SLC26A3: variants seen among roughly 807,000 people sequenced by gnomAD.
SLC26A3 encodes solute carrier family 26 member 3.
Under a neutral mutation model 85.6 loss-of-function variants are expected in SLC26A3, and 64 were observed. That is an observed-to-expected ratio of 0.75 (90% confidence interval 0.61 to 0.92). The LOEUF (loss-of-function observed/expected upper bound fraction) is 0.92. SLC26A3 is among the 40% of genes least tolerant of loss of function. The pLI, the probability that SLC26A3 is intolerant of heterozygous loss-of-function variation, is 0.00. For missense variants in SLC26A3, 922 were observed against 927.3 expected (o/e 0.99, Z 0.07); for synonymous variants, 349 against 336.0 (o/e 1.04, Z -0.42).
Position 107,765,741 on chromosome 7 carries a change from C to T in SLC26A3, c.*114G>A. 1.2e-6 allele frequency: 1 copy of T among 807,842 alleles called. No individual in the cohort carries two copies. Among genetic ancestry groups the T allele is most frequent in the Non-Finnish European group, 2.1e-6 (1 of 470,598 alleles). 50.0% of individuals were successfully genotyped at this position (807,842 alleles called of 1,614,324 possible). A position where few individuals can be genotyped will look rare whatever the true frequency, so the allele number is the denominator to read the frequency against. Reference sequence around the variant, plus strand: ...AACCATCTTGTTCCAAAGTTTGAAACATATTCTGTCAAAAATACTCTTCGT... The same window carrying T: ...AACCATCTTGTTCCAAAGTTTGAAATATATTCTGTCAAAAATACTCTTCGT... On this transcript the variant is annotated 3_prime_UTR_variant, in exon 21 of 21. Transcript: ENST00000340010.
Position 107,791,187 on chromosome 7 carries a change from G to A in SLC26A3, c.431C>T (p.Ala144Val), listed in dbSNP as rs967589016. The change falls in exon 5 of 21, where the codon GCA (alanine) becomes GTA (valine). Residue 144 changes from alanine to valine, a missense_variant. Coordinates refer to ENST00000340010, the MANE Select transcript of SLC26A3 (RefSeq NM_000111.3). ...GCGATCTGGGACTGCTTTTGAAACT[G>A]CTCCTGAAACTGCTAGTCCCACCAT... The part of the protein sequence containing the change: ...SMMVGLAVSG[A>V]VSKAVPDRNA... 4.3e-6 allele frequency: 7 copies of A among 1,614,054 alleles called. No individual in the cohort carries two copies. The African/African-American group carries it at 9.3e-5, about 22-fold the overall frequency.
chr7:107,790,860 T>G (rs935897172), intron 5 of SLC26A3, among the ~76,000 whole-genome samples, 188 bp downstream of exon 5: 1 of 152,194 alleles, frequency 6.6e-6, no homozygotes, highest in Non-Finnish European at 1.5e-5. Context: ...GTTTTTGTAC[T>G]GTTGACCCAC....
intron 18 of SLC26A3, among the ~76,000 whole-genome samples, chr7:107,768,560 A>G (rs1247376746): frequency 6.6e-6 from 1 of 152,234 alleles, no homozygotes; most frequent in Non-Finnish European, 1.5e-5. Context: ...TAGAACATTT[A>G]TATATTCCTG....
intron 1 of SLC26A3, among the ~76,000 whole-genome samples, chr7:107,796,957 T>C (rs1794513152): frequency 6.6e-6 from 1 of 152,234 alleles, no homozygotes; most frequent in Non-Finnish European, 1.5e-5. Context: ...TTTATTCTTC[T>C]GGCTGTTGTA....
intron 1 of SLC26A3, among the ~76,000 whole-genome samples, chr7:107,797,598 A>C (rs943158728): frequency 6.6e-6 from 1 of 152,118 alleles, no homozygotes; most frequent in African/African-American, 2.4e-5. Context: ...CCCGCTTCCA[A>C]AAGCTATGCC....
intron 13 of SLC26A3, among the ~76,000 whole-genome samples, chr7:107,777,303 A>T (rs1452101334): frequency 6.6e-6 from 1 of 152,184 alleles, no homozygotes; most frequent in African/African-American, 2.4e-5. Flanking sequence ...CAGAGATTTT[A>T]AAAAATCAAG....
intron 3 of SLC26A3, among the ~76,000 whole-genome samples, chr7:107,793,209 C>A (rs921117848): frequency 1.3e-5 from 2 of 152,076 alleles, no homozygotes; most frequent in Non-Finnish European, 2.9e-5. Flanking sequence ...ATAGAGTTAC[C>A]CTATGATCCA....
At chr7:107,787,650 T>A (rs1231039667) in intron 6 of SLC26A3, 141 bp from the exon 7 acceptor site, 4 of 712,652 alleles carry the variant, frequency 5.6e-6, no homozygotes, top group Non-Finnish European at 7.0e-6. Context: ...TTGCCCCGGT[T>A]TAATTGTGAA....
intron 3 of SLC26A3, among the ~76,000 whole-genome samples, chr7:107,792,915 T>G (rs1794427500): frequency 6.6e-6 from 1 of 152,092 alleles, no homozygotes; most frequent in African/African-American, 2.4e-5. Flanking sequence ...ATAACCCAAT[T>G]TAAAAATGGA....
rs781024851 is a variant in SLC26A3 at position 107,774,106 on chromosome 7, C to T, written c.1821G>A (p.Glu607=). 2 of 1,614,158 alleles carry T rather than the reference C, an allele frequency of 1.2e-6. No homozygotes were observed. The highest frequency in any genetic ancestry group is 1.1e-5 in the South Asian group (1 of 91,082). The change falls in exon 17 of 21, where the codon GAG becomes GAA. Residue 607 remains glutamate, a synonymous_variant. Transcript: ENST00000340010. ...GTACTTCTATCTGATTGTTGTCCAGCTCTTCGTCAGAATCTTTTATGGTGT... is the reference window on the plus strand; with the variant it reads ...GTACTTCTATCTGATTGTTGTCCAGTTCTTCGTCAGAATCTTTTATGGTGT... The part of the protein sequence containing the change: ...TVDTIKDSDE[E]LDNNQIEVLD...
intron 1 of SLC26A3, among the ~76,000 whole-genome samples, chr7:107,796,473 C>T (rs1794502169): frequency 6.6e-6 from 1 of 152,134 alleles, no homozygotes; most frequent in South Asian, 2.1e-4. Flanking sequence ...TGCTTGTTTT[C>T]TCTTTTGTTT....
rs1794039257 is a variant in SLC26A3 at position 107,772,114 on chromosome 7, AAAAAG to A, written c.2008-11_2008-7del. 1 of 1,577,310 alleles carries A rather than the reference AAAAAG, an allele frequency of 6.3e-7. No homozygotes were observed. The highest frequency in any genetic ancestry group is 1.1e-5 in the South Asian group (1 of 90,254). Reference sequence around the variant, plus strand: ...CTGATAAATTCTTGCAAAATCTGTTAAAAAGAAAAGTATATCTTCCTTAGGGAACA... The same window carrying A: ...CTGATAAATTCTTGCAAAATCTGTTAAAAAGTATATCTTCCTTAGGGAACA... On this transcript the variant is annotated splice_region_variant and splice_polypyrimidine_tract_variant and intron_variant, in intron 17 of 20. Transcript: ENST00000340010.
At position 107,765,794 on chromosome 7, in the gene SLC26A3, C is replaced by T; in HGVS notation, c.*61G>A. 2 of 1,201,064 alleles carry T rather than the reference C, an allele frequency of 1.7e-6. No individual in the cohort carries two copies. Among genetic ancestry groups the T allele is most frequent in the Non-Finnish European group, 2.5e-6 (2 of 805,110 alleles). 74.4% of individuals were successfully genotyped at this position (1,201,064 alleles called of 1,614,324 possible). On this transcript the variant is annotated 3_prime_UTR_variant, in exon 21 of 21. Transcript: ENST00000340010. ...AATGTATGAACTTATCAATAACTTTCTGGGTATAAAGTTGTTTTTATGTCA... is the reference window on the plus strand; with the variant it reads ...AATGTATGAACTTATCAATAACTTTTTGGGTATAAAGTTGTTTTTATGTCA...
intron 6 of SLC26A3, among the ~76,000 whole-genome samples, chr7:107,788,497 C>G (rs955162959): frequency 6.6e-6 from 1 of 152,072 alleles, no homozygotes; most frequent in Non-Finnish European, 1.5e-5. Flanking sequence ...ATGAGACATG[C>G]TTTTCAAGAA....
chr7:107,784,903 A>C (rs370813629), intron 8 of SLC26A3, among the ~76,000 whole-genome samples: 1 of 152,194 alleles, frequency 6.6e-6, no homozygotes, highest in Non-Finnish European at 1.5e-5. Flanking sequence ...TCTTCAGCCA[A>C]ATTATTTGTA....
chr7:107,782,754 A>C (rs778545720), intron 11 of SLC26A3, 43 bp downstream of exon 11: 1 of 1,572,506 alleles, frequency 6.4e-7, no homozygotes, highest in Non-Finnish European at 8.8e-7. Flanking sequence ...GGGGTCCTTG[A>C]TTTACCACTA....
chr7:107,779,829 GA>G (rs1794186523), intron 11 of SLC26A3, 66 bp from the exon 12 acceptor site: 3 of 1,302,786 alleles, frequency 2.3e-6, no homozygotes, highest in Non-Finnish European at 3.3e-6. Context: ...AAGCAAAGGT[GA>G]AGGCTATAGA....
intron 8 of SLC26A3, among the ~76,000 whole-genome samples, 164 bp downstream of exon 8, chr7:107,786,663 C>T (rs1260136587): frequency 2.0e-5 from 3 of 151,452 alleles, no homozygotes; most frequent in Non-Finnish European, 4.4e-5. Flanking sequence ...GTAGCACCTT[C>T]CTAGAAGGAA....
chr7:107,769,158 G>A (rs1004493481), intron 18 of SLC26A3, among the ~76,000 whole-genome samples: 3 of 152,134 alleles, frequency 2.0e-5, no homozygotes, highest in Admixed American at 1.3e-4. Context: ...CAGTGTATAA[G>A]CACAGTGTGG....
Sources: allele counts gnomAD v4.1 joint callset (sites outside exome capture counted in the v4.1 genomes callset), GRCh38; gene constraint gnomAD v4.1.1; transcripts MANE v1.5; gene names NCBI Gene and HGNC (gene_info 2026-07-23, HGNC 2026-07-21).